The following PPFIA2 variants were observed in gnomAD, a reference collection of about 807,000 sequenced individuals.
PPFIA2 encodes PPFI scaffold protein A2.
A neutral mutation model predicts 175.5 loss-of-function variants in PPFIA2; 46 were observed. The ratio of observed to expected loss-of-function variants is 0.26; its 90% CI spans 0.21 to 0.34. The LOEUF is 0.34. PPFIA2 is among the 10% of genes least tolerant of loss of function. The pLI, the probability that PPFIA2 is intolerant of heterozygous loss-of-function variation, is 1.00. For missense variants in PPFIA2, 1,179 were observed against 1,506.1 expected, an observed-to-expected ratio of 0.78 and a Z score of 3.60; for synonymous variants, 568 against 511.4, an observed-to-expected ratio of 1.11 and a Z score of -1.49.
intron 4 of PPFIA2, among the ~76,000 whole-genome samples, chr12:81,489,773 G>A (rs940570128): frequency 1.8e-4 from 27 of 151,788 alleles, no homozygotes; most frequent in African/African-American, 5.3e-4. Flanking sequence ...GAAATGTGTC[G>A]ATGCAGCACA....
chr12:81,359,360 C>T (rs145050109), intron 15 of PPFIA2, among the ~76,000 whole-genome samples: 17 of 151,818 alleles, frequency 1.1e-4, no homozygotes, highest in Non-Finnish European at 5.9e-5. Flanking sequence ...AAACATTTTC[C>T]ATCAAATAGG....
intron 3 of PPFIA2, among the ~76,000 whole-genome samples, chr12:81,741,940 C>T (rs2082375225): frequency 6.6e-6 from 1 of 152,138 alleles, no homozygotes; most frequent in Non-Finnish European, 1.5e-5. Context: ...CATGGCCTTA[C>T]TAAATAAATA....
At chr12:81,397,180 T>C (rs2041285573) in intron 8 of PPFIA2, among the ~76,000 whole-genome samples, 1 of 151,994 alleles carries the variant, frequency 6.6e-6, no homozygotes, top group South Asian at 2.1e-4. Flanking sequence ...AAATTATTAG[T>C]ATATGAATAG....
chr12:81,324,720 TA>T (rs1464458812), intron 22 of PPFIA2, among the ~76,000 whole-genome samples: 2 of 151,940 alleles, frequency 1.3e-5, no homozygotes, highest in Non-Finnish European at 2.9e-5. Context: ...AAATATATAT[TA>T]TTGATTATGG....
chr12:81,374,794 A>G, intron 10 of PPFIA2, 26 bp from the exon 11 acceptor site: 1 of 1,597,218 alleles, frequency 6.3e-7, no homozygotes. Flanking sequence ...GAGCAGAGAC[A>G]CTTAAAGAGT....
intron 4 of PPFIA2, among the ~76,000 whole-genome samples, chr12:81,513,080 A>G (rs1389164488): frequency 6.6e-6 from 1 of 152,114 alleles, no homozygotes; most frequent in Non-Finnish European, 1.5e-5. Context: ...CCCATCAAAA[A>G]GTGGGCAAAG....
rs1446103910 is a variant in PPFIA2, at chr12:81,638,267, C to T, written c.303+38524G>A. Among the ~76,000 whole-genome samples, 3 of 152,004 alleles carry T rather than the reference C, an allele frequency of 2.0e-5. No homozygotes were observed. The East Asian group carries it at 5.8e-4, about 29-fold the overall frequency. On this transcript the variant is annotated intron_variant, in intron 4 of 32. Transcript: ENST00000549396. ...AAATCTACTCAAGATCATCTGACTG[C>T]ATGGCAGAACTATTTACTAAAATAT...
intron 4 of PPFIA2, among the ~76,000 whole-genome samples, chr12:81,658,011 T>C (rs2068057832): frequency 6.6e-6 from 1 of 152,126 alleles, no homozygotes; most frequent in African/African-American, 2.4e-5. Context: ...GGCTTACACC[T>C]GTAATCCCAG....
intron 4 of PPFIA2, among the ~76,000 whole-genome samples, chr12:81,658,307 T>C (rs1041609336): frequency 1.6e-5 from 2 of 124,924 alleles, no homozygotes; most frequent in Non-Finnish European, 3.4e-5. Flanking sequence ...AAAAAAAAAA[T>C]GATTGCTAAC....
At chr12:81,628,423 C>A (rs1189022189) in intron 4 of PPFIA2, among the ~76,000 whole-genome samples, 1 of 135,730 alleles carries the variant, frequency 7.4e-6, no homozygotes, top group Admixed American at 8.8e-5. Context: ...GTCACCCAGG[C>A]TGGAGTGCAG....
intron 11 of PPFIA2, 98 bp from the exon 12 acceptor site, chr12:81,369,292 A>T: frequency 1.3e-6 from 2 of 1,536,914 alleles, no homozygotes; most frequent in Non-Finnish European, 8.8e-7. Context: ...GCTACTACCA[A>T]CTGCAAACAT....
chr12:81,518,039 T>C (rs964960143), intron 4 of PPFIA2, among the ~76,000 whole-genome samples: 2 of 152,040 alleles, frequency 1.3e-5, no homozygotes, highest in Non-Finnish European at 2.9e-5. Flanking sequence ...TGTATACATA[T>C]GCAACAAACT....
chr12:81,333,354 G>A (rs2056499910), intron 21 of PPFIA2, among the ~76,000 whole-genome samples: 2 of 152,140 alleles, frequency 1.3e-5, no homozygotes, highest in African/African-American at 2.4e-5. Flanking sequence ...TCAGCTACTT[G>A]GTAGTTCAGC....
intron 8 of PPFIA2, among the ~76,000 whole-genome samples, chr12:81,387,886 C>G (rs1392563578): frequency 6.6e-6 from 1 of 152,066 alleles, no homozygotes; most frequent in African/African-American, 2.4e-5. Flanking sequence ...TTCCCTCCCT[C>G]TAAGAGCAAT....
chr12:81,375,764 A>C, intron 10 of PPFIA2, 32 bp downstream of exon 10: 1 of 1,568,646 alleles, frequency 6.4e-7, no homozygotes, highest in South Asian at 1.1e-5. Flanking sequence ...GAACGCACAG[A>C]CCAGAAGAAA....
intron 4 of PPFIA2, among the ~76,000 whole-genome samples, chr12:81,469,374 A>T (rs2056328203): frequency 6.6e-6 from 1 of 152,242 alleles, no homozygotes; most frequent in Non-Finnish European, 1.5e-5. Flanking sequence ...CATCGTAAAT[A>T]GAAGTAAGTG....
At position 81,405,817 on chromosome 12, in the gene PPFIA2, C is replaced by T; in HGVS notation, c.732G>A (p.Gly244=). The T allele has an allele frequency of 6.3e-7, 1 of 1,578,162 alleles. No homozygotes were observed. Among genetic ancestry groups the T allele is most frequent in the East Asian group, 2.3e-5 (1 of 43,674 alleles). Residue 244 remains glycine, a synonymous_variant, in exon 8 of 33, where the codon GGG becomes GGA. Transcript: ENST00000549396. ...CATGGACTTTCTGTCCAGGTTCCAT[C>T]CCTTCAAGATGTTCTGACTCTGTGG... ...EGSTESEHLE[G]MEPGQKVHEK... is the part of the protein sequence containing the mutation.
intron 5 of PPFIA2, among the ~76,000 whole-genome samples, chr12:81,447,529 G>C (rs2051520324): frequency 6.6e-6 from 1 of 151,982 alleles, no homozygotes; most frequent in Admixed American, 6.6e-5. Context: ...TCTCAACAAG[G>C]CATTTGCTCA....
chr12:81,288,808 TATA>T (rs1367123256), intron 24 of PPFIA2, among the ~76,000 whole-genome samples: 2 of 151,768 alleles, frequency 1.3e-5, no homozygotes, highest in African/African-American at 4.8e-5. Flanking sequence ...TCCTTCTCAT[TATA>T]ATAAGAATGA....
Sources: gnomAD v4.1 joint callset for allele counts (sites outside exome capture counted in the v4.1 genomes callset) on GRCh38, gnomAD v4.1.1 for gene constraint, MANE v1.5 for transcripts, NCBI Gene and HGNC (gene_info 2026-07-23, HGNC 2026-07-21) for gene names.